The following IGSF3 variants were observed in gnomAD, a reference collection of about 807,000 sequenced individuals.
IGSF3 encodes glu-Trp-Ile EWI motif-containing protein 3.
A neutral mutation model predicts 114.4 loss-of-function variants in IGSF3; 23 were observed. That is an observed-to-expected ratio of 0.20 (90% CI 0.14 to 0.28). IGSF3 has a LOEUF of 0.28. Ranked by LOEUF, IGSF3 falls within the 10% of genes least tolerant of loss-of-function variation. The pLI is 1.00. For missense variants in IGSF3, 1,172 were observed against 1,591.5 expected (o/e 0.74, Z 4.48); for synonymous variants, 571 against 645.2 (o/e 0.88, Z 1.74).
rs761543174 is a variant in IGSF3, at chr1:116,579,814, TG to T, written c.2911del (p.Gln971SerfsTer23). The T allele has an allele frequency of 6.2e-7, 1 of 1,613,750 alleles. No homozygotes were observed. Among genetic ancestry groups the T allele is most frequent in the African/African-American group, 1.3e-5 (1 of 75,032 alleles). On this transcript the variant is annotated frameshift_variant, in exon 10 of 11. Coordinates refer to ENST00000369486, the MANE Select transcript of IGSF3 (RefSeq NM_001007237.3). LOFTEE classifies it high-confidence loss of function. The surrounding 1 kb of genome is among the most constrained non-coding windows in gnomAD (Gnocchi z 6.4). ...GCGGGACACGATGCTACAGTCCAGC[TG>T]GAAAGCTGCCTTCTCAGAGACCGTG... ...NATVSEKAAF[Q>X]LDCSIVSRSS...
In IGSF3 at chr1:116,585,102, C is replaced by T. The variant is rs759486033; in HGVS notation, c.2441-50G>A. 352 of 1,411,810 alleles carry T rather than the reference C, an allele frequency of 2.5e-4. No individual in the cohort carries two copies. The Middle Eastern group carries it at 3.9e-3, about 16-fold the overall frequency. 87.5% of individuals were successfully genotyped at this position (1,411,810 alleles called of 1,614,324 possible). A position where few individuals can be genotyped will look rare whatever the true frequency, so the allele number is the denominator to read the frequency against. ...AGCGACAAAAGGACAACAAGCAATT[C>T]GTACGCACCCTTTCCCAGGGTAGGT... On this transcript the variant is annotated intron_variant, in intron 8 of 10. Transcript: ENST00000369486. The surrounding 1 kb of genome is among the most constrained non-coding windows in gnomAD (Gnocchi z 4.9).
chr1:116,624,148 G>A lies in IGSF3; in HGVS notation c.44-7691C>T, dbSNP rs1381544069. On this transcript the variant is annotated intron_variant, in intron 2 of 10. Transcript: ENST00000369486. This position sits in a 1 kb window ranked among gnomAD's most constrained non-coding sequence, Gnocchi z 4.9. ...GAGCCTGGGAGGCCGAGGCTGCCGT[G>A]AACAATGATTGTGCCACTGCACTCC... Among the ~76,000 whole-genome samples the A allele has an allele frequency of 2.0e-5, 3 of 149,792 alleles. No homozygotes were observed. The highest frequency in any genetic ancestry group is 4.4e-5 in the Non-Finnish European group (3 of 67,656).
rs1648751333 is a variant in IGSF3, at chr1:116,654,196, A to G, written c.43+12088T>C. ...AAACAAAGCTGAAGAGGAAAACCAG[A>G]AAGGTCTCTGAGAAGTGCTGCTTGT... On this transcript the variant is annotated intron_variant, in intron 2 of 10. Coordinates refer to ENST00000369486, the MANE Select transcript of IGSF3 (RefSeq NM_001007237.3). This position sits in a 1 kb window ranked among gnomAD's most constrained non-coding sequence, Gnocchi z 4.4. 2.0e-5 allele frequency among the ~76,000 whole-genome samples: 3 copies of G among 152,216 alleles called. No homozygotes were observed. The highest frequency in any genetic ancestry group is 1.5e-5 in the Non-Finnish European group (1 of 68,042).
In IGSF3 at chr1:116,632,378, A is replaced by G. The variant is rs1407166187; in HGVS notation, c.44-15921T>C. Among the ~76,000 whole-genome samples, 1 of 152,176 alleles carries G rather than the reference A, an allele frequency of 6.6e-6. No individual in the cohort carries two copies. Among genetic ancestry groups the G allele is most frequent in the Non-Finnish European group, 1.5e-5 (1 of 68,032 alleles). ...GGGGGGAAGAAGGGGTGGGCGTGCT[A>G]GCATCTCTCAGCTAGACTGTCATTG... is the stretch of plus-strand genomic sequence containing the variant. On this transcript the variant is annotated intron_variant, in intron 2 of 10. Coordinates refer to ENST00000369486, the MANE Select transcript of IGSF3 (RefSeq NM_001007237.3). The surrounding 1 kb of genome is among the most constrained non-coding windows in gnomAD (Gnocchi z 5.1).
At chr1:116,586,365 GT>G (rs983858443) in intron 8 of IGSF3, among the ~76,000 whole-genome samples, 2 of 152,048 alleles carry the variant, frequency 1.3e-5, no homozygotes, top group African/African-American at 4.8e-5. Context: ...TCTTTGTTGA[GT>G]TTTGTTTTTT....
At chr1:116,604,854 G>A (rs551395914) in intron 5 of IGSF3, among the ~76,000 whole-genome samples, 1 of 152,298 alleles carries the variant, frequency 6.6e-6, no homozygotes, top group African/African-American at 2.4e-5. Flanking sequence ...AACTCGACAT[G>A]CCTCAGCCTC....
At position 116,577,580 on chromosome 1, in the gene IGSF3, A is replaced by T. The variant is rs760988358; in HGVS notation, c.3335-18T>A. ...GGTGGGACCTGAAAAGAATCATGAG[A>T]GAGACAAGACAATGAGGGCTGAGAA... On this transcript the variant is annotated intron_variant, in intron 10 of 10. Transcript: ENST00000369486. The surrounding 1 kb of genome is among the most constrained non-coding windows in gnomAD (Gnocchi z 5.7). 2 of 1,612,470 alleles carry T rather than the reference A, an allele frequency of 1.2e-6. No homozygotes were observed. Among genetic ancestry groups the T allele is most frequent in the Non-Finnish European group, 8.5e-7 (1 of 1,179,256 alleles).
intron 7 of IGSF3, among the ~76,000 whole-genome samples, chr1:116,599,176 C>T (rs1283263947): frequency 9.9e-5 from 15 of 152,090 alleles, no homozygotes; most frequent in Admixed American, 9.8e-4. Flanking sequence ...AAGTAACTGA[C>T]CTTCAGCGCC....
rs771437725 is a variant in IGSF3 at position 116,579,672 on chromosome 1, C to CTCT, written c.3053_3054insAGA (p.Glu1019dup). On this transcript the variant is annotated inframe_insertion, in exon 10 of 11. Coordinates refer to ENST00000369486, the MANE Select transcript of IGSF3 (RefSeq NM_001007237.3). This position sits in a 1 kb window ranked among gnomAD's most constrained non-coding sequence, Gnocchi z 6.4. Reference sequence around the variant, plus strand: ...GGTCGTCGTCGTCGTCGTCGTCCTCCTCCTCCTCCTCCTCCCTTTCCTCTT... The same window carrying CTCT: ...GGTCGTCGTCGTCGTCGTCGTCCTCCTCTTCCTCCTCCTCCTCCCTTTCCTCTT... 353 of 1,609,276 alleles carry CTCT rather than the reference C, an allele frequency of 2.2e-4. No homozygotes were observed. The highest frequency in any genetic ancestry group is 2.8e-4 in the Non-Finnish European group (329 of 1,176,142).
At chr1:116,656,005 A>G (rs897708911) in intron 2 of IGSF3, among the ~76,000 whole-genome samples, 4 of 152,182 alleles carry the variant, frequency 2.6e-5, no homozygotes. Flanking sequence ...CTACTCCCCA[A>G]TGATTTCACA....
At position 116,610,378 on chromosome 1, in the gene IGSF3, T is replaced by A. The variant is rs559390689; in HGVS notation, c.833-2047A>T. 2.0e-4 allele frequency among the ~76,000 whole-genome samples: 30 copies of A among 152,298 alleles called. 1 individual carries two copies. The highest frequency in any genetic ancestry group is 7.2e-4 in the African/African-American group (30 of 41,562). Reference sequence around the variant, plus strand: ...TTCTCATCTCAAGGGAATCCCCCCATGCCTTGGTGACACCTTCATGTTCCC... The same window carrying A: ...TTCTCATCTCAAGGGAATCCCCCCAAGCCTTGGTGACACCTTCATGTTCCC... On this transcript the variant is annotated intron_variant, in intron 4 of 10. Transcript: ENST00000369486. This position sits in a 1 kb window ranked among gnomAD's most constrained non-coding sequence, Gnocchi z 4.3.
Position 116,585,108 on chromosome 1 carries a change from C to T in IGSF3, c.2441-56G>A. 9 of 1,378,474 alleles carry T rather than the reference C, an allele frequency of 6.5e-6. No individual in the cohort carries two copies. The highest frequency in any genetic ancestry group is 7.8e-6 in the Non-Finnish European group (8 of 1,022,694). 85.4% of individuals were successfully genotyped at this position (1,378,474 alleles called of 1,614,324 possible). On this transcript the variant is annotated intron_variant, in intron 8 of 10. Transcript: ENST00000369486. This position sits in a 1 kb window ranked among gnomAD's most constrained non-coding sequence, Gnocchi z 4.9. ...AAAAGGACAACAAGCAATTCGTACG[C>T]ACCCTTTCCCAGGGTAGGTGAATGG...
chr1:116,667,063 C>G, intron 1 of IGSF3, 107 bp from the exon 2 acceptor site: 2 of 387,138 alleles, frequency 5.2e-6, no homozygotes, highest in East Asian at 7.5e-5. Context: ...TGGACCAGGA[C>G]AGTCAACCTC....
intron 2 of IGSF3, among the ~76,000 whole-genome samples, chr1:116,643,463 T>C (rs1314216517): frequency 6.6e-6 from 1 of 152,254 alleles, no homozygotes; most frequent in East Asian, 1.9e-4. Flanking sequence ...TCCCAGCTGC[T>C]CCTCAGCAGC....
intron 2 of IGSF3, among the ~76,000 whole-genome samples, chr1:116,658,338 C>A (rs1222672023): frequency 6.6e-6 from 1 of 152,174 alleles, no homozygotes; most frequent in Non-Finnish European, 1.5e-5. Flanking sequence ...CCACGCCTGG[C>A]CTGATTATGT....
At chr1:116,660,635 G>A (rs189338558) in intron 2 of IGSF3, among the ~76,000 whole-genome samples, 13 of 151,832 alleles carry the variant, frequency 8.6e-5, no homozygotes, top group Admixed American at 5.3e-4. Context: ...ACACCATCAC[G>A]CCCAGCTAAT....
chr1:116,637,994 CTATAAG>C (rs1204951760), intron 2 of IGSF3, among the ~76,000 whole-genome samples: 1 of 152,186 alleles, frequency 6.6e-6, no homozygotes, highest in Non-Finnish European at 1.5e-5. Context: ...CTTGTCCTGC[CTATAAG>C]TATATCGGAT....
chr1:116,584,982 C>A lies in IGSF3; in HGVS notation c.2511G>T (p.Glu837Asp). 6.3e-7 allele frequency: 1 copy of A among 1,595,460 alleles called. No individual in the cohort carries two copies. Among genetic ancestry groups the A allele is most frequent in the South Asian group, 1.1e-5 (1 of 89,446 alleles). Reference sequence around the variant, plus strand: ...TGCTGGTGCGGTTGAGAACCACACACTCCAGCTGTACCTGCCGGGTCTCCA... The same window carrying A: ...TGCTGGTGCGGTTGAGAACCACACAATCCAGCTGTACCTGCCGGGTCTCCA... ...SVLETRQVQLECVVLNRTSIT... is the reference protein window; with the variant it reads ...SVLETRQVQLDCVVLNRTSIT... Residue 837 changes from glutamate (E) to aspartate (D), a missense_variant, in exon 9 of 11, where the codon GAG (glutamate) becomes GAT (aspartate). Transcript: ENST00000369486. The surrounding 1 kb of genome is among the most constrained non-coding windows in gnomAD (Gnocchi z 5.8).
In IGSF3 at chr1:116,610,810, C is replaced by A. The variant is rs1249604597; in HGVS notation, c.833-2479G>T. Among the ~76,000 whole-genome samples the A allele has an allele frequency of 6.6e-6, 1 of 152,186 alleles. No homozygotes were observed. The highest frequency in any genetic ancestry group is 1.9e-4 in the East Asian group (1 of 5,202). ...TCAGGCTCGGTCTCTGAGCCCCAGACCCCTGTGTCTGAGGACCCACTGGGT... is the reference window on the plus strand; with the variant it reads ...TCAGGCTCGGTCTCTGAGCCCCAGAACCCTGTGTCTGAGGACCCACTGGGT... On this transcript the variant is annotated intron_variant, in intron 4 of 10. Coordinates refer to ENST00000369486, the MANE Select transcript of IGSF3 (RefSeq NM_001007237.3). This position sits in a 1 kb window ranked among gnomAD's most constrained non-coding sequence, Gnocchi z 4.3.
Sources: allele counts gnomAD v4.1 joint callset (sites outside exome capture counted in the v4.1 genomes callset), GRCh38; gene constraint gnomAD v4.1.1; non-coding constraint Gnocchi (gnomAD v3.1); transcripts MANE v1.5; gene names NCBI Gene and HGNC (gene_info 2026-07-23, HGNC 2026-07-21).